ANKFN1: variants seen among roughly 807,000 people sequenced by gnomAD.
The protein encoded by ANKFN1 is ankyrin repeat and fibronectin type-III domain-containing protein 1.
In ANKFN1, 74 loss-of-function variants were observed where a neutral mutation model predicts 108.7. The observed-to-expected ratio is 0.68, with a 90% CI of 0.56 to 0.83. ANKFN1 has a LOEUF of 0.83. ANKFN1 is among the 40% of genes least tolerant of loss of function. The pLI is 0.00. For missense variants in ANKFN1, 1,505 were observed against 1,382.3 expected, an observed-to-expected ratio of 1.09 and a Z score of -1.41; for synonymous variants, 547 against 516.2, an observed-to-expected ratio of 1.06 and a Z score of -0.81.
intron 4 of ANKFN1, among the ~76,000 whole-genome samples, chr17:56,146,748 C>G (rs1598139799): frequency 6.6e-6 from 1 of 152,156 alleles, no homozygotes; most frequent in East Asian, 1.9e-4. Flanking sequence ...TACCCCCTGG[C>G]CTCCAAGGCT....
intron 14 of ANKFN1, among the ~76,000 whole-genome samples, chr17:56,464,195 CAAG>C (rs976578062): frequency 1.3e-5 from 2 of 152,108 alleles, no homozygotes; most frequent in African/African-American, 4.8e-5. Flanking sequence ...TAAAAAATTT[CAAG>C]AAGACTTACA....
intron 4 of ANKFN1, among the ~76,000 whole-genome samples, chr17:56,093,892 A>G (rs1905467934): frequency 6.6e-6 from 1 of 151,248 alleles, no homozygotes; most frequent in South Asian, 2.1e-4. Context: ...AATCCCCAAT[A>G]CCTCAGAATG....
At chr17:56,410,434 T>A (rs1043885851) in intron 8 of ANKFN1, among the ~76,000 whole-genome samples, 2 of 152,142 alleles carry the variant, frequency 1.3e-5, no homozygotes, top group Admixed American at 6.5e-5. Context: ...TTGCATATAG[T>A]TATGGGGTAT....
intron 3 of ANKFN1, among the ~76,000 whole-genome samples, chr17:56,258,522 G>T (rs948088578): frequency 6.6e-6 from 1 of 152,118 alleles, no homozygotes; most frequent in East Asian, 1.9e-4. Context: ...TTACCACTGG[G>T]CAGAATTTGG....
intron 3 of ANKFN1, among the ~76,000 whole-genome samples, chr17:56,297,338 G>C (rs924845291): frequency 2.0e-5 from 3 of 152,178 alleles, no homozygotes; most frequent in Admixed American, 6.5e-5. Flanking sequence ...AGCTGCTGGC[G>C]GTTTAACTGT....
chr17:56,456,401 CTT>C (rs397713657), intron 11 of ANKFN1, among the ~76,000 whole-genome samples: 6 of 115,494 alleles, frequency 5.2e-5, no homozygotes, highest in Admixed American at 3.1e-4. Flanking sequence ...CTTTTTTTCT[CTT>C]TTTTTTTTTT....
At chr17:56,170,782 A>G (rs1464463294) in intron 1 of ANKFN1, among the ~76,000 whole-genome samples, 1 of 82,096 alleles carries the variant, frequency 1.2e-5, no homozygotes, top group Non-Finnish European at 2.2e-5. Flanking sequence ...TTTTATATAT[A>G]TATATATATA....
chr17:56,242,441 G>T (rs1057466729), intron 3 of ANKFN1, among the ~76,000 whole-genome samples: 1 of 151,852 alleles, frequency 6.6e-6, no homozygotes, highest in African/African-American at 2.4e-5. Flanking sequence ...TATTAGTATA[G>T]GTTTTTATGT....
chr17:56,258,924 GTAAA>G (rs566587017), intron 3 of ANKFN1, among the ~76,000 whole-genome samples: 10 of 151,726 alleles, frequency 6.6e-5, no homozygotes, highest in African/African-American at 1.2e-4. Flanking sequence ...AAATAAATAA[GTAAA>G]TAAATAAATA....
chr17:56,066,181 C>T (rs957393381), intron 4 of ANKFN1, among the ~76,000 whole-genome samples: 1 of 152,212 alleles, frequency 6.6e-6, no homozygotes, highest in Non-Finnish European at 1.5e-5. Context: ...ACACAAAACA[C>T]TTAGATCACC....
intron 6 of ANKFN1, among the ~76,000 whole-genome samples, chr17:56,365,851 G>A (rs895079417): frequency 1.3e-5 from 2 of 152,140 alleles, no homozygotes; most frequent in African/African-American, 4.8e-5. Flanking sequence ...ACTTGATAAT[G>A]ACACTAAACT....
chr17:56,484,991 T>C (rs2050814960), intron 18 of ANKFN1, among the ~76,000 whole-genome samples: 1 of 152,220 alleles, frequency 6.6e-6, no homozygotes. Flanking sequence ...CACACTCTTC[T>C]TGAGTAGCCA....
intron 3 of ANKFN1, among the ~76,000 whole-genome samples, chr17:56,231,454 C>T (rs1916729924): frequency 6.6e-6 from 1 of 152,184 alleles, no homozygotes; most frequent in Non-Finnish European, 1.5e-5. Flanking sequence ...TGTTTCTATT[C>T]ATCGCCTCTG....
At chr17:56,299,912 C>A (rs925533009) in intron 3 of ANKFN1, among the ~76,000 whole-genome samples, 1 of 152,120 alleles carries the variant, frequency 6.6e-6, no homozygotes, top group Non-Finnish European at 1.5e-5. Flanking sequence ...TTATACACAC[C>A]CCTCTGAATT....
intron 2 of ANKFN1, among the ~76,000 whole-genome samples, chr17:56,213,048 G>C (rs1175529246): frequency 6.6e-6 from 1 of 152,176 alleles, no homozygotes; most frequent in Non-Finnish European, 1.5e-5. Flanking sequence ...TATTAGGATT[G>C]AGATGCTAAT....
chr17:56,398,674 G>A (rs1437957433), intron 8 of ANKFN1, among the ~76,000 whole-genome samples: 1 of 152,130 alleles, frequency 6.6e-6, no homozygotes, highest in Non-Finnish European at 1.5e-5. Flanking sequence ...GAGATTATAT[G>A]AGATGCCCTG....
At chr17:56,222,155 A>G (rs949295169) in intron 2 of ANKFN1, among the ~76,000 whole-genome samples, 2 of 151,406 alleles carry the variant, frequency 1.3e-5, no homozygotes, top group African/African-American at 4.9e-5. Context: ...AGCCCAAAAG[A>G]CTCTTTTTGT....
At position 56,506,053 on chromosome 17, in the gene ANKFN1, G is replaced by T. The variant is rs546458047; in HGVS notation, c.2645-4420G>T. Among the ~76,000 whole-genome samples, 549 of 150,656 alleles carry T rather than the reference G, an allele frequency of 3.6e-3. 3 individuals carry two copies. The highest frequency in any genetic ancestry group is 0.013 in the African/African-American group (525 of 40,394). The stretch of plus-strand genomic sequence containing the variant: ...GAAAGTGACATTATTTGTTTTTTTT[G>T]TTTGTTTGTTTATTTGTTTTTTATT... On this transcript the variant is annotated intron_variant, in intron 20 of 20. Coordinates refer to ENST00000682825, the MANE Select transcript of ANKFN1 (RefSeq NM_001370326.1).
rs80251857 is a variant in ANKFN1, at chr17:56,361,618, C to T, written c.601+7572C>T. On this transcript the variant is annotated intron_variant, in intron 6 of 20. Coordinates refer to ENST00000682825, the MANE Select transcript of ANKFN1 (RefSeq NM_001370326.1). Reference sequence around the variant, plus strand: ...TATATATTGCTGTGTAATAATTACCCCCAAACAGCAACTAAAAATAGTAAA... The same window carrying T: ...TATATATTGCTGTGTAATAATTACCTCCAAACAGCAACTAAAAATAGTAAA... Among the ~76,000 whole-genome samples, 152 of 152,010 alleles carry T rather than the reference C, an allele frequency of 1.0e-3. 1 individual carries two copies. The highest frequency in any genetic ancestry group is 7.9e-3 in the Admixed American group (121 of 15,260).
Sources: gnomAD v4.1 joint callset for allele counts (sites outside exome capture counted in the v4.1 genomes callset) on GRCh38, gnomAD v4.1.1 for gene constraint, MANE v1.5 for transcripts, NCBI Gene and HGNC (gene_info 2026-07-23, HGNC 2026-07-21) for gene names.